Variants in FABP12 observed in about 807,000 individuals in gnomAD.
FABP12 encodes fatty acid binding protein 12, also known as fatty acid-binding protein 12.
A neutral mutation model predicts 13.7 loss-of-function variants in FABP12; 19 were observed. That is an observed-to-expected ratio of 1.39 (90% CI 0.97 to 2.04). The LOEUF (loss-of-function observed/expected upper bound fraction) is 2.04, where lower values mean the gene tolerates loss of function less well. Among genes scored for constraint, FABP12 ranks in the 30% most tolerant of loss-of-function variants. FABP12 has a pLI of 0.00. For missense variants in FABP12, 182 were observed against 164.2 expected (o/e 1.11, Z -0.59); for synonymous variants, 61 against 57.0 (o/e 1.07, Z -0.32).
At chr8:81,566,335 A>G (rs577755285) in intron 1 of FABP12, among the ~76,000 whole-genome samples, 155 of 152,178 alleles carry the variant, frequency 1.0e-3, no homozygotes, top group African/African-American at 3.7e-3. Flanking sequence ...GTATTACCCC[A>G]ATACCAAAAT....
chr8:81,587,134 C>T (rs1810252134), intron 1 of FABP12, among the ~76,000 whole-genome samples: 1 of 152,044 alleles, frequency 6.6e-6, no homozygotes, highest in African/African-American at 2.4e-5. Flanking sequence ...GGTTCTCTGA[C>T]TTGTTACATT....
chr8:81,531,323 G>A lies in FABP12; in HGVS notation c.-8C>T, dbSNP rs1440694745. 4.4e-6 allele frequency: 7 copies of A among 1,587,668 alleles called. No individual in the cohort carries two copies. Among genetic ancestry groups the A allele is most frequent in the Non-Finnish European group, 6.0e-6 (7 of 1,165,854 alleles). On this transcript the variant is annotated 5_prime_UTR_variant, in exon 2 of 5. An upstream open reading frame in the 5' UTR gains an earlier in-frame stop. Coordinates refer to ENST00000360464, the Ensembl canonical transcript of FABP12. ...TTGGAGCTGGTCAATCATTCTGTCT[G>A]AGATAAGTTGATCTCAAAGAACAGT...
chr8:81,571,136 G>A (rs940628765), intron 1 of FABP12, among the ~76,000 whole-genome samples: 19 of 152,330 alleles, frequency 1.2e-4, no homozygotes, highest in Admixed American at 5.2e-4. Flanking sequence ...GCATGAACAC[G>A]CTAGGCCAGG....
At chr8:81,541,232 A>T (rs1440114729) in intron 1 of FABP12, among the ~76,000 whole-genome samples, 2 of 152,166 alleles carry the variant, frequency 1.3e-5, no homozygotes, top group Non-Finnish European at 2.9e-5. Context: ...ACAGATATGC[A>T]GTATCTGCAT....
chr8:81,560,985 C>A (rs1274752041), intron 1 of FABP12, among the ~76,000 whole-genome samples: 2 of 152,182 alleles, frequency 1.3e-5, no homozygotes, highest in Non-Finnish European at 2.9e-5. Flanking sequence ...GGAAGGTGAC[C>A]CGGCCACCCT....
intron 4 of FABP12, chr8:81,525,751 G>A (rs1194878686): frequency 6.6e-6 from 1 of 152,070 alleles, no homozygotes; most frequent in East Asian, 1.9e-4. Flanking sequence ...TATTTTAAAT[G>A]CCAACATTGA....
intron 1 of FABP12, among the ~76,000 whole-genome samples, chr8:81,582,579 CT>C (rs1420928223): frequency 6.6e-6 from 1 of 151,868 alleles, no homozygotes; most frequent in African/African-American, 2.4e-5. Context: ...ATAAAATAGA[CT>C]TTAAGTCAAA....
At chr8:81,565,114 G>A (rs1809793550) in intron 1 of FABP12, among the ~76,000 whole-genome samples, 1 of 151,780 alleles carries the variant, frequency 6.6e-6, no homozygotes, top group East Asian at 1.9e-4. Context: ...AATGATAAAG[G>A]GGCCAATTCA....
intron 2 of FABP12, among the ~76,000 whole-genome samples, chr8:81,539,534 T>G (rs986536898): frequency 1.3e-5 from 2 of 150,364 alleles, no homozygotes; most frequent in Non-Finnish European, 3.0e-5. Context: ...CAACATCTTT[T>G]GCGTGAATAC....
At chr8:81,548,641 G>A (rs139927891) in intron 1 of FABP12, among the ~76,000 whole-genome samples, 20 of 152,226 alleles carry the variant, frequency 1.3e-4, no homozygotes, top group South Asian at 4.1e-4. Flanking sequence ...CCACAAGGTC[G>A]GGCCTCTCTA....
At chr8:81,582,438 C>A (rs1408206798) in intron 1 of FABP12, among the ~76,000 whole-genome samples, 1 of 151,706 alleles carries the variant, frequency 6.6e-6, no homozygotes, top group African/African-American at 2.4e-5. Flanking sequence ...TTTTAGTGAC[C>A]CAACTATAAG....
At chr8:81,538,535 A>C (rs2083869710), upstream of FABP12, among the ~76,000 whole-genome samples, 1 of 152,184 alleles carries the variant, frequency 6.6e-6, no homozygotes, top group African/African-American at 2.4e-5. Flanking sequence ...ACATATGGAG[A>C]CAAAAGAAAA....
At chr8:81,530,077 T>C (rs1809025965) in intron 2 of FABP12, among the ~76,000 whole-genome samples, 1 of 152,206 alleles carries the variant, frequency 6.6e-6, no homozygotes, top group African/African-American at 2.4e-5. Flanking sequence ...GTTTCCTCAA[T>C]GATGTATGTT....
chr8:81,567,468 C>A (rs1014732350), intron 1 of FABP12, among the ~76,000 whole-genome samples: 6 of 152,088 alleles, frequency 3.9e-5, no homozygotes, highest in African/African-American at 1.2e-4. Flanking sequence ...GACACATAGA[C>A]CAGTGGGACA....
exon 3 of FABP12, chr8:81,529,489 A>G (rs191197423): frequency 1.2e-6 from 2 of 1,613,976 alleles, no homozygotes; most frequent in Non-Finnish European, 1.7e-6. Flanking sequence ...CTCCCAGCTT[A>G]AAGGAGATCT....
intron 1 of FABP12, among the ~76,000 whole-genome samples, chr8:81,563,950 CCAAG>C (rs936697206): frequency 2.0e-5 from 3 of 151,954 alleles, no homozygotes; most frequent in African/African-American, 4.8e-5. Context: ...TTATAGGACA[CCAAG>C]CAGATTTAAC....
At chr8:81,584,150 G>A (rs1225686272) in intron 1 of FABP12, among the ~76,000 whole-genome samples, 1 of 152,182 alleles carries the variant, frequency 6.6e-6, no homozygotes. Flanking sequence ...CCTGGAGAGT[G>A]ACACCAGCAA....
intron 1 of FABP12, among the ~76,000 whole-genome samples, chr8:81,589,576 G>A (rs1810290970): frequency 6.6e-6 from 1 of 152,234 alleles, no homozygotes; most frequent in South Asian, 2.1e-4. Flanking sequence ...CCTGTTTAGG[G>A]AGAATAAGAA....
At chr8:81,578,823 G>GTTTCTTTTTTTTTTTTTTTTTTTTTTTT (rs71268012) in intron 1 of FABP12, among the ~76,000 whole-genome samples, 1 of 105,660 alleles carries the variant, frequency 9.5e-6, no homozygotes, top group African/African-American at 4.1e-5. Context: ...ATTTGTTCAA[G>GTTTCTTTTTTTTTTTTTTTTTTTTTTTT]TTTTTTTTTT....
Sources: allele counts gnomAD v4.1 joint callset (sites outside exome capture counted in the v4.1 genomes callset), GRCh38; gene constraint gnomAD v4.1.1; transcripts MANE v1.5; gene names NCBI Gene and HGNC (gene_info 2026-07-23, HGNC 2026-07-21).